AGBL2: variants seen among roughly 807,000 people sequenced by gnomAD.
The protein encoded by AGBL2 is AGBL carboxypeptidase 2, also known as cytosolic carboxypeptidase 2.
In AGBL2, 87 loss-of-function variants were observed where a neutral mutation model predicts 103.0. The observed-to-expected ratio is 0.84, with a 90% confidence interval of 0.71 to 1.01. The LOEUF (loss-of-function observed/expected upper bound fraction) is 1.01. AGBL2 is among the 50% of genes least tolerant of loss of function. AGBL2 has a pLI of 0.00. For synonymous variants in AGBL2, 335 were observed against 356.7 expected (o/e 0.94, Z 0.69); for missense variants, 904 against 1,023.5 (o/e 0.88, Z 1.59).
Position 47,660,009 on chromosome 11 carries a change from C to A in AGBL2, c.*164G>T. On this transcript the variant is annotated 3_prime_UTR_variant, in exon 19 of 19. Coordinates refer to ENST00000525123, the MANE Select transcript of AGBL2 (RefSeq NM_024783.4). ...GAATTCATGAGGTATGCATCTTGAC[C>A]ACATGCCCACAGTGTAAGTACAAAG... 1 of 595,264 alleles carries A rather than the reference C, an allele frequency of 1.7e-6. No individual in the cohort carries two copies. Among genetic ancestry groups the A allele is most frequent in the East Asian group, 3.3e-5 (1 of 30,754 alleles). The allele number at this position is 595,264 out of a possible 1,614,324, so 36.9% of individuals were successfully genotyped here. A position where few individuals can be genotyped will look rare whatever the true frequency, so the allele number is the denominator to read the frequency against.
At chr11:47,693,115 C>G (rs2153804435) in intron 8 of AGBL2, among the ~76,000 whole-genome samples, 1 of 152,156 alleles carries the variant, frequency 6.6e-6, no homozygotes, top group South Asian at 2.1e-4. Flanking sequence ...CCATTGCATC[C>G]TGCAGATACC....
At chr11:47,684,298 T>C (rs1469337524) in intron 11 of AGBL2, among the ~76,000 whole-genome samples, 5 of 151,686 alleles carry the variant, frequency 3.3e-5, no homozygotes, top group African/African-American at 1.2e-4. Flanking sequence ...ACGGGTATGG[T>C]GGCTCACACC....
At chr11:47,713,925 A>G in intron 3 of AGBL2, 2 of 201,496 alleles carry the variant, frequency 9.9e-6, no homozygotes, top group Admixed American at 5.2e-5. Flanking sequence ...GCAAAGACTC[A>G]AGAACAGCCG....
At chr11:47,695,854 T>G (rs2097467560) in intron 8 of AGBL2, among the ~76,000 whole-genome samples, 1 of 151,482 alleles carries the variant, frequency 6.6e-6, no homozygotes, top group African/African-American at 2.4e-5. Flanking sequence ...TATTTCATCT[T>G]TAAATGTTTA....
intron 14 of AGBL2, among the ~76,000 whole-genome samples, chr11:47,671,451 T>G (rs1370488260): frequency 1.3e-5 from 2 of 151,256 alleles, no homozygotes; most frequent in Non-Finnish European, 2.9e-5. Context: ...ACCCGGGAGG[T>G]GGAGATTGCA....
chr11:47,671,936 G>A (rs1021943232), intron 14 of AGBL2, among the ~76,000 whole-genome samples: 5 of 152,116 alleles, frequency 3.3e-5, no homozygotes, highest in Non-Finnish European at 5.9e-5. Flanking sequence ...CTTTGCAATC[G>A]TGACAATGAA....
chr11:47,677,232 T>C (rs2097378985), intron 14 of AGBL2, 39 bp downstream of exon 14: 2 of 1,494,956 alleles, frequency 1.3e-6, no homozygotes, highest in South Asian at 2.7e-5. Context: ...AACAACAAAG[T>C]ATTTAAAAAA....
chr11:47,660,154 T>A lies in AGBL2; in HGVS notation c.*19A>T. 1 of 1,586,104 alleles carries A rather than the reference T, an allele frequency of 6.3e-7. No homozygotes were observed. The highest frequency in any genetic ancestry group is 8.6e-7 in the Non-Finnish European group (1 of 1,166,512). The stretch of plus-strand genomic sequence containing the variant: ...CAAAACCCCCGATGAAGTGCTTGTG[T>A]GGCACAGCCCAGGCTCACCTACGGG... On this transcript the variant is annotated 3_prime_UTR_variant, in exon 19 of 19. Coordinates refer to ENST00000525123, the MANE Select transcript of AGBL2 (RefSeq NM_024783.4).
At chr11:47,665,354 G>A (rs2097338715) in intron 17 of AGBL2, among the ~76,000 whole-genome samples, 2 of 151,798 alleles carry the variant, frequency 1.3e-5, no homozygotes, top group Admixed American at 1.3e-4. Flanking sequence ...GCCATGCCTA[G>A]CTAATTTTTA....
In AGBL2 at chr11:47,677,273, G is replaced by A; in HGVS notation, c.2145C>T (p.Ser715=). 1.9e-6 allele frequency: 3 copies of A among 1,586,306 alleles called. No homozygotes were observed. Among genetic ancestry groups the A allele is most frequent in the Non-Finnish European group, 2.6e-6 (3 of 1,170,386 alleles). The change falls in exon 14 of 19, where the codon TCC becomes TCT. Residue 715 remains serine, a splice_region_variant and synonymous_variant. Coordinates refer to ENST00000525123, the MANE Select transcript of AGBL2 (RefSeq NM_024783.4). ...AAACTCTGTTTTTTCTTTGTTACCT[G>A]GATTCAATGTCAGACAAAGAGATGT... The part of the protein sequence containing the change: ...WSDISLSDIE[S]STSGSDSSLS...
chr11:47,678,891 G>A (rs2097389249), intron 13 of AGBL2, among the ~76,000 whole-genome samples: 1 of 149,192 alleles, frequency 6.7e-6, no homozygotes, highest in East Asian at 2.1e-4. Context: ...AACCCCATCT[G>A]TACTAAAAAA....
intron 14 of AGBL2, among the ~76,000 whole-genome samples, chr11:47,671,619 T>G (rs966464560): frequency 3.3e-5 from 5 of 152,172 alleles, no homozygotes; most frequent in Non-Finnish European, 7.3e-5. Flanking sequence ...ACCATTCAGC[T>G]GCCCAGGCCT....
chr11:47,674,313 G>A lies in AGBL2; in HGVS notation c.2147+2958C>T, dbSNP rs936666602. ...GCGGTGGCTCACGCCTGTAATCCCA[G>A]CACTTTGGGAGGCCGAGGTGGGCAG... On this transcript the variant is annotated intron_variant, in intron 14 of 18. Transcript: ENST00000525123. 3.3e-5 allele frequency among the ~76,000 whole-genome samples: 5 copies of A among 152,080 alleles called. No individual in the cohort carries two copies. The South Asian group carries it at 1.0e-3, about 32-fold the overall frequency.
rs193103872 is a variant in AGBL2, at chr11:47,678,507, G to T, written c.2017-1106C>A. Among the ~76,000 whole-genome samples the T allele has an allele frequency of 2.0e-3, 291 of 147,766 alleles. 2 individuals are homozygous for T. The highest frequency in any genetic ancestry group is 0.011 in the Middle Eastern group (3 of 274). On this transcript the variant is annotated intron_variant, in intron 13 of 18. Coordinates refer to ENST00000525123, the MANE Select transcript of AGBL2 (RefSeq NM_024783.4). ...TGCCACCACGCCTGGCTAAATTTTTGTATTTTTAGTAGAGATGGGGGTTTC... is the reference window on the plus strand; with the variant it reads ...TGCCACCACGCCTGGCTAAATTTTTTTATTTTTAGTAGAGATGGGGGTTTC...
intron 4 of AGBL2, among the ~76,000 whole-genome samples, chr11:47,710,025 A>G (rs1335184380): frequency 2.6e-5 from 4 of 151,538 alleles, no homozygotes; most frequent in African/African-American, 9.7e-5. Context: ...AAGTCCTGAG[A>G]TTACCAGTGT....
rs1251956710 is a variant in AGBL2 at position 47,660,159 on chromosome 11, C to T, written c.*14G>A. On this transcript the variant is annotated 3_prime_UTR_variant, in exon 19 of 19. Coordinates refer to ENST00000525123, the MANE Select transcript of AGBL2 (RefSeq NM_024783.4). ...CCCCCGATGAAGTGCTTGTGTGGCA[C>T]AGCCCAGGCTCACCTACGGGTATGT... 9 of 1,590,020 alleles carry T rather than the reference C, an allele frequency of 5.7e-6. No individual in the cohort carries two copies. Among genetic ancestry groups the T allele is most frequent in the Non-Finnish European group, 7.7e-6 (9 of 1,168,620 alleles).
chr11:47,674,822 G>A lies in AGBL2; in HGVS notation c.2147+2449C>T, dbSNP rs532271737. On this transcript the variant is annotated intron_variant, in intron 14 of 18. Transcript: ENST00000525123. ...GCGATCTCGGCTCACTGCAACCTCC[G>A]TCTCCGGGTTCCAGTGATTATCCTG... Among the ~76,000 whole-genome samples the A allele has an allele frequency of 4.0e-5, 6 of 151,788 alleles. No individual in the cohort carries two copies. The East Asian group carries it at 7.8e-4, about 20-fold the overall frequency.
intron 14 of AGBL2, 35 bp downstream of exon 14, chr11:47,677,236 T>TAAA: frequency 6.9e-7 from 1 of 1,453,310 alleles, no homozygotes; most frequent in Non-Finnish European, 9.2e-7. Flanking sequence ...ACAAAGTATT[T>TAAA]AAAAAAAAAC....
At chr11:47,700,067 C>G (rs1244541705) in intron 7 of AGBL2, among the ~76,000 whole-genome samples, 2 of 152,004 alleles carry the variant, frequency 1.3e-5, no homozygotes, top group Admixed American at 6.6e-5. Context: ...AAGCGATTCT[C>G]TCGCCTCAGC....
Sources: gnomAD v4.1 joint callset for allele counts (sites outside exome capture counted in the v4.1 genomes callset) on GRCh38, gnomAD v4.1.1 for gene constraint, MANE v1.5 for transcripts, NCBI Gene and HGNC (gene_info 2026-07-23, HGNC 2026-07-21) for gene names.